The following PUM1 variants were observed in gnomAD, a reference collection of about 807,000 sequenced individuals.
PUM1 encodes the protein pumilio homolog 1.
In PUM1, 13 loss-of-function variants were observed where a neutral mutation model predicts 131.8. The observed-to-expected ratio is 0.10, with a 90% CI of 0.06 to 0.16. The LOEUF is 0.16. PUM1 is among the 10% of genes least tolerant of loss of function. PUM1 has a pLI of 1.00. For missense variants in PUM1, 961 were observed against 1,512.4 expected (o/e 0.64, Z 6.05); for synonymous variants, 509 against 556.5 (o/e 0.91, Z 1.20).
chr1:31,031,046 C>T (rs1333748721), intron 2 of PUM1, among the ~76,000 whole-genome samples: 2 of 152,132 alleles, frequency 1.3e-5, no homozygotes, highest in Non-Finnish European at 2.9e-5. Flanking sequence ...GATCATTTTA[C>T]ATGGTGTTTA....
chr1:31,005,633 C>CTAT (rs1642372504), intron 5 of PUM1, among the ~76,000 whole-genome samples: 1 of 152,124 alleles, frequency 6.6e-6, no homozygotes, highest in Non-Finnish European at 1.5e-5. Flanking sequence ...TGTCCCCCCA[C>CTAT]CAAAACATTA....
chr1:30,960,116 T>C (rs1640344392), intron 14 of PUM1, among the ~76,000 whole-genome samples: 1 of 152,130 alleles, frequency 6.6e-6, no homozygotes, highest in African/African-American at 2.4e-5. Flanking sequence ...AGATGTGTGC[T>C]CTTATTTCTT....
intron 7 of PUM1, among the ~76,000 whole-genome samples, chr1:30,981,692 AC>A (rs1641362925): frequency 1.3e-5 from 2 of 151,856 alleles, no homozygotes. Context: ...ACACACACAC[AC>A]ACACATATGA....
At chr1:31,007,134 G>T (rs756260299) in intron 3 of PUM1, 32 bp from the exon 4 acceptor site, 1 of 1,508,560 alleles carries the variant, frequency 6.6e-7, no homozygotes, top group South Asian at 1.1e-5. Flanking sequence ...TGCTTTTAAA[G>T]AATTCATAAA....
intron 2 of PUM1, among the ~76,000 whole-genome samples, chr1:31,043,620 T>C (rs956245288): frequency 1.3e-5 from 2 of 152,050 alleles, no homozygotes; most frequent in African/African-American, 4.8e-5. Context: ...TAAAGAAAAA[T>C]TGTCACCAGC....
At chr1:31,056,740 C>T (rs923376318) in intron 2 of PUM1, among the ~76,000 whole-genome samples, 1 of 149,728 alleles carries the variant, frequency 6.7e-6, no homozygotes, top group African/African-American at 2.4e-5. Flanking sequence ...AATCCTTCCA[C>T]CTCAGGCTCC....
chr1:30,984,322 AAAC>A (rs1390331148), intron 7 of PUM1, among the ~76,000 whole-genome samples: 14 of 152,236 alleles, frequency 9.2e-5, no homozygotes, highest in Admixed American at 7.8e-4. Flanking sequence ...AGAGTATTCA[AAAC>A]AAATTGGGTA....
intron 12 of PUM1, 133 bp downstream of exon 12, chr1:30,967,034 C>G: frequency 9.2e-7 from 1 of 1,088,388 alleles, no homozygotes. Flanking sequence ...CTTCTGATCT[C>G]TTTTTGAAAC....
At chr1:30,946,344 A>G (rs1639669080) in intron 17 of PUM1, among the ~76,000 whole-genome samples, 1 of 151,724 alleles carries the variant, frequency 6.6e-6, no homozygotes, top group Non-Finnish European at 1.5e-5. Context: ...TAATTAAAAA[A>G]AAAAAAATCA....
chr1:30,953,288 C>T (rs1640024978), intron 15 of PUM1, among the ~76,000 whole-genome samples: 1 of 152,144 alleles, frequency 6.6e-6, no homozygotes, highest in African/African-American at 2.4e-5. Context: ...TCCCCAGGAC[C>T]AGATTCGCTT....
At chr1:31,008,441 C>T (rs1642473942) in intron 3 of PUM1, among the ~76,000 whole-genome samples, 1 of 151,960 alleles carries the variant, frequency 6.6e-6, no homozygotes, top group African/African-American at 2.4e-5. Context: ...GCACAGATAC[C>T]TAAGTTTCCT....
intron 3 of PUM1, among the ~76,000 whole-genome samples, chr1:31,014,313 AAAAAAAAAAAT>A (rs1441602070): frequency 6.6e-6 from 1 of 150,604 alleles, no homozygotes; most frequent in African/African-American, 2.5e-5. Flanking sequence ...AAAAAAAAAA[AAAAAAAAAAAT>A]CTACATTCAA....
chr1:31,000,483 T>C (rs1570244400), intron 5 of PUM1, among the ~76,000 whole-genome samples: 1 of 152,282 alleles, frequency 6.6e-6, no homozygotes, highest in East Asian at 1.9e-4. Context: ...AAAGCAGACG[T>C]AGGTAGAACT....
chr1:31,035,330 T>G (rs569778075), intron 2 of PUM1, among the ~76,000 whole-genome samples: 1 of 151,070 alleles, frequency 6.6e-6, no homozygotes, highest in African/African-American at 2.4e-5. Context: ...GAGGCGGAGG[T>G]TGCAGTGAGC....
intron 2 of PUM1, chr1:31,037,313 T>C (rs1643642263): frequency 6.6e-6 from 1 of 152,322 alleles, no homozygotes; most frequent in Non-Finnish European, 1.5e-5. Flanking sequence ...TGACAGAAAC[T>C]GTCCAAGTAT....
chr1:31,044,941 C>T (rs1319444057), intron 2 of PUM1, among the ~76,000 whole-genome samples: 1 of 152,114 alleles, frequency 6.6e-6, no homozygotes, highest in Non-Finnish European at 1.5e-5. Context: ...TCCTGAGTAC[C>T]TGGGATTAAA....
At chr1:30,960,780 A>G (rs1640371936) in intron 14 of PUM1, among the ~76,000 whole-genome samples, 1 of 152,146 alleles carries the variant, frequency 6.6e-6, no homozygotes, top group African/African-American at 2.4e-5. Flanking sequence ...CTGACCTGAC[A>G]CCCAAAATTA....
intron 7 of PUM1, among the ~76,000 whole-genome samples, chr1:30,983,947 T>A (rs1641452409): frequency 6.6e-6 from 1 of 152,170 alleles, no homozygotes; most frequent in Non-Finnish European, 1.5e-5. Context: ...TATGTATGTG[T>A]ACTGTATCTG....
intron 2 of PUM1, among the ~76,000 whole-genome samples, chr1:31,046,501 T>G (rs202221595): frequency 2.5e-5 from 3 of 121,470 alleles, no homozygotes. Context: ...TTTTTTTTTT[T>G]GTTTTTTTGG....
Sources: gnomAD v4.1 joint callset for allele counts (sites outside exome capture counted in the v4.1 genomes callset) on GRCh38, gnomAD v4.1.1 for gene constraint, MANE v1.5 for transcripts, NCBI Gene and HGNC (gene_info 2026-07-23, HGNC 2026-07-21) for gene names.